The following SMG7 variants were observed in gnomAD, a reference collection of about 807,000 sequenced individuals.
SMG7 encodes the protein nonsense-mediated mRNA decay factor SMG7.
SMG7 carries 34 observed loss-of-function variants against 148.2 expected under a neutral mutation model. The ratio of observed to expected loss-of-function variants is 0.23; its 90% CI spans 0.17 to 0.31. The LOEUF is 0.31. SMG7 is among the 10% of genes least tolerant of loss of function. The pLI is 1.00. For synonymous variants in SMG7, 492 were observed against 515.1 expected (o/e 0.96, Z 0.61); for missense variants, 1,114 against 1,408.4 (o/e 0.79, Z 3.35).
chr1:183,545,088 A>G lies in SMG7; in HGVS notation c.2146A>G (p.Ile716Val). 6.2e-7 allele frequency: 1 copy of G among 1,614,118 alleles called. No individual in the cohort carries two copies. The highest frequency in any genetic ancestry group is 8.5e-7 in the Non-Finnish European group (1 of 1,180,004). Residue 716 changes from isoleucine to valine, a missense_variant, in exon 16 of 23, where the codon ATT becomes GTT. Ile to Val is a conservative substitution (Grantham distance 29). This residue lies in a region of SMG7 where 788 missense variants were observed against 894.5 expected (regional missense o/e 0.88). Transcript: ENST00000688051. Reference sequence around the variant, plus strand: ...GGTGCAAGCTGGGAAACAGTCCCACATTCCTTACAGCCAGCAACGGCCCTC... The same window carrying G: ...GGTGCAAGCTGGGAAACAGTCCCACGTTCCTTACAGCCAGCAACGGCCCTC... ...NQVQAGKQSHIPYSQQRPSGP... is the reference protein window; with the variant it reads ...NQVQAGKQSHVPYSQQRPSGP...
chr1:183,481,960 A>G (rs1654234028), intron 1 of SMG7, among the ~76,000 whole-genome samples: 1 of 152,142 alleles, frequency 6.6e-6, no homozygotes, highest in African/African-American at 2.4e-5. Context: ...ATTTATAGCC[A>G]TGAGCCACCA....
At chr1:183,489,712 G>A (rs924879250) in intron 1 of SMG7, among the ~76,000 whole-genome samples, 1 of 152,014 alleles carries the variant, frequency 6.6e-6, no homozygotes, top group Non-Finnish European at 1.5e-5. Flanking sequence ...GAAGTATAAG[G>A]GCATTAGGGC....
chr1:183,501,765 C>G (rs1006708205), intron 1 of SMG7, among the ~76,000 whole-genome samples: 1 of 152,090 alleles, frequency 6.6e-6, no homozygotes, highest in South Asian at 2.1e-4. Flanking sequence ...TAAAAATGAC[C>G]AAATTTGTAC....
intron 4 of SMG7, among the ~76,000 whole-genome samples, chr1:183,521,850 C>A (rs1664837329): frequency 1.6e-5 from 2 of 126,700 alleles, no homozygotes; most frequent in Admixed American, 1.7e-4. Flanking sequence ...CAGAGTGAGA[C>A]CTTGTCTCAA....
Position 183,544,500 on chromosome 1 carries a change from A to G in SMG7, c.1987+3A>G, listed in dbSNP as rs555559686. The G allele has an allele frequency of 1.2e-5, 20 of 1,612,532 alleles. No individual in the cohort carries two copies. In the South Asian group the frequency reaches 2.0e-4, roughly 16 times the overall value. On this transcript the variant is annotated splice_donor_region_variant and intron_variant, in intron 15 of 22. Coordinates refer to ENST00000688051, the MANE Select transcript of SMG7 (RefSeq NM_001375584.1). Reference sequence around the variant, plus strand: ...CCCTCCTCTTCCCAGCAGGCCAGGTAAATATGTTTTGTAATTTCTTCTACT... The same window carrying G: ...CCCTCCTCTTCCCAGCAGGCCAGGTGAATATGTTTTGTAATTTCTTCTACT...
At chr1:183,503,964 T>C (rs1407393106) in intron 1 of SMG7, among the ~76,000 whole-genome samples, 1 of 152,234 alleles carries the variant, frequency 6.6e-6, no homozygotes, top group Non-Finnish European at 1.5e-5. Context: ...ATGGTTCATA[T>C]TTTATCACTC....
At chr1:183,476,821 A>G (rs1652306440) in intron 1 of SMG7, among the ~76,000 whole-genome samples, 1 of 152,214 alleles carries the variant, frequency 6.6e-6, no homozygotes, top group South Asian at 2.1e-4. Context: ...GGAATTTATT[A>G]CTCAAATTGA....
intron 1 of SMG7, chr1:183,472,898 G>A (rs560974272): frequency 1.0e-5 from 4 of 398,120 alleles, no homozygotes; most frequent in African/African-American, 2.1e-5. Context: ...GGTTGGGGAA[G>A]CGTGAGAATG....
chr1:183,552,320 G>T lies in SMG7; in HGVS notation c.*389G>T. The T allele has an allele frequency of 1.0e-6, 1 of 999,046 alleles. No homozygotes were observed. The highest frequency in any genetic ancestry group is 5.0e-4 in the Middle Eastern group (1 of 1,982). 61.9% of individuals were successfully genotyped at this position (999,046 alleles called of 1,614,324 possible). On this transcript the variant is annotated 3_prime_UTR_variant, in exon 23 of 23. Transcript: ENST00000688051. Reference sequence around the variant, plus strand: ...TTCTCAGTCCTTTTTTCCTCTTTGGGGAATAAAATAGGAATCCATTAATGA... The same window carrying T: ...TTCTCAGTCCTTTTTTCCTCTTTGGTGAATAAAATAGGAATCCATTAATGA...
Position 183,542,169 on chromosome 1 carries a change from C to A in SMG7, c.1509C>A (p.Asn503Lys). 1 of 1,614,050 alleles carries A rather than the reference C, an allele frequency of 6.2e-7. No homozygotes were observed. Among genetic ancestry groups the A allele is most frequent in the Non-Finnish European group, 8.5e-7 (1 of 1,179,958 alleles). ...ILEDPSEAKE[N>K]LILQETSVIE... Reference sequence around the variant, plus strand: ...AAGACCCCAGTGAAGCCAAAGAGAACCTCATTCTGCAAGAAACATCTGTGA... The same window carrying A: ...AAGACCCCAGTGAAGCCAAAGAGAAACTCATTCTGCAAGAAACATCTGTGA... The change falls in exon 14 of 23, where the codon AAC becomes AAA. Residue 503 changes from asparagine (N) to lysine (K), a missense_variant. By Grantham distance (94) the Asn-to-Lys change is moderately conservative (BLOSUM62 0). Transcript: ENST00000688051.
In SMG7 at chr1:183,552,923, G is replaced by A; in HGVS notation, c.*992G>A. The A allele has an allele frequency of 2.6e-6, 4 of 1,517,596 alleles. No homozygotes were observed. Among genetic ancestry groups the A allele is most frequent in the East Asian group, 2.5e-5 (1 of 40,508 alleles). The allele number at this position is 1,517,596 out of a possible 1,614,324, so 94.0% of individuals were successfully genotyped here. ...TCCATCCCTTCTTTTACCCAATGCT[G>A]TATGCTAGTAATTGTTTTTATTCCT... On this transcript the variant is annotated 3_prime_UTR_variant, in exon 23 of 23. Coordinates refer to ENST00000688051, the MANE Select transcript of SMG7 (RefSeq NM_001375584.1).
rs1387725173 is a variant in SMG7, at chr1:183,551,096, G to C, written c.3356G>C (p.Ser1119Thr). 6.2e-7 allele frequency: 1 copy of C among 1,613,574 alleles called. No individual in the cohort carries two copies. The highest frequency in any genetic ancestry group is 1.1e-5 in the South Asian group (1 of 91,018). The change falls in exon 22 of 23, where the codon AGC (serine) becomes ACC (threonine). Residue 1119 changes from serine (S) to threonine (T), a missense_variant. Transcript: ENST00000688051. ...DYLSATSSSE[S>T]SWHQASTPSG... ...CTCTCAGCAACGTCATCCTCTGAGAGCAGTTGGCATCAGGCCAGCACTCCG... is the reference window on the plus strand; with the variant it reads ...CTCTCAGCAACGTCATCCTCTGAGACCAGTTGGCATCAGGCCAGCACTCCG...
chr1:183,528,099 G>A (rs2102591724), intron 6 of SMG7, 72 bp downstream of exon 6: 1 of 1,145,880 alleles, frequency 8.7e-7, no homozygotes. Flanking sequence ...GATAACTCAG[G>A]GCTCACCTTT....
chr1:183,518,235 A>G (rs1453799967), intron 4 of SMG7, among the ~76,000 whole-genome samples: 1 of 152,182 alleles, frequency 6.6e-6, no homozygotes, highest in Admixed American at 6.5e-5. Context: ...TACCTGAGCC[A>G]CTGTGCCCAG....
intron 1 of SMG7, among the ~76,000 whole-genome samples, chr1:183,479,944 T>C (rs1335083587): frequency 6.6e-6 from 1 of 152,170 alleles, no homozygotes; most frequent in Non-Finnish European, 1.5e-5. Flanking sequence ...ATAAGTTTTT[T>C]AAAAATTGAT....
chr1:183,542,923 ATATATGTGTG>A (rs1558054785), intron 14 of SMG7, among the ~76,000 whole-genome samples: 1 of 96,662 alleles, frequency 1.0e-5, no homozygotes, highest in African/African-American at 4.2e-5. Flanking sequence ...TATAATATAT[ATATATGTGTG>A]TGTGTGTGTG....
At chr1:183,533,951 C>T (rs570885292) in intron 10 of SMG7, 119 bp downstream of exon 10, 6 of 773,014 alleles carry the variant, frequency 7.8e-6, no homozygotes, top group East Asian at 2.7e-5. Context: ...TATTTTCTGC[C>T]GACTCTCGGG....
At position 183,482,611 on chromosome 1, in the gene SMG7, G is replaced by A. The variant is rs1057361932; in HGVS notation, c.29+9962G>A. On this transcript the variant is annotated intron_variant, in intron 1 of 22. Transcript: ENST00000688051. ...GTGAGTACAGTACAATATATTTTGA[G>A]AGAGTGAGAGACCATGTTCACATAA... 3.9e-5 allele frequency among the ~76,000 whole-genome samples: 6 copies of A among 152,186 alleles called. No individual in the cohort carries two copies. The South Asian group carries it at 6.2e-4, about 16-fold the overall frequency.
chr1:183,516,124 A>G, intron 3 of SMG7, 133 bp downstream of exon 3: 2 of 635,846 alleles, frequency 3.1e-6, no homozygotes, highest in Non-Finnish European at 5.6e-6. Context: ...TAATTCTAGT[A>G]TTTGTGATAT....
Sources: gnomAD v4.1 joint callset for allele counts (sites outside exome capture counted in the v4.1 genomes callset) on GRCh38, gnomAD v4.1.1 for gene constraint, gnomAD v4.1.1 regional missense constraint, MANE v1.5 for transcripts, NCBI Gene and HGNC (gene_info 2026-07-23, HGNC 2026-07-21) for gene names.